Variants in PTGES3L observed in about 807,000 individuals in gnomAD.
The protein encoded by PTGES3L is prostaglandin E synthase 3 like.
Under a neutral mutation model 25.0 loss-of-function variants are expected in PTGES3L, and 17 were observed. The observed-to-expected ratio is 0.68, with a 90% CI of 0.47 to 1.02. PTGES3L has a LOEUF of 1.02. PTGES3L is among the 50% of genes least tolerant of loss of function. PTGES3L has a pLI of 0.00. For missense variants in PTGES3L, 202 were observed against 197.5 expected (o/e 1.02, Z -0.14); for synonymous variants, 59 against 65.7 (o/e 0.90, Z 0.50).
rs202188766 is a variant in PTGES3L, at chr17:42,969,192, G to A, written c.433-6C>T. The A allele has an allele frequency of 3.8e-5, 29 of 772,442 alleles. No individual in the cohort carries two copies. Among genetic ancestry groups the A allele is most frequent in the South Asian group, 1.5e-4 (6 of 39,350 alleles). 47.8% of individuals were successfully genotyped at this position (772,442 alleles called of 1,614,324 possible). ...TCAGCACTGTCAGAATCATCCTGGG[G>A]GCGGGGGGGAAAAAAGACAAAGCAC... On this transcript the variant is annotated splice_polypyrimidine_tract_variant and splice_region_variant and intron_variant, in intron 6 of 6. Coordinates refer to ENST00000591916, the MANE Select transcript of PTGES3L (RefSeq NM_001261430.2).
chr17:42,972,746 C>T (rs1353989325), intron 4 of PTGES3L, among the ~76,000 whole-genome samples: 2 of 151,834 alleles, frequency 1.3e-5, no homozygotes, highest in African/African-American at 4.8e-5. Context: ...GCCGCCACCC[C>T]GTCTGGGAAG....
intron 4 of PTGES3L, among the ~76,000 whole-genome samples, chr17:42,972,948 G>A (rs893934402): frequency 1.1e-4 from 17 of 148,462 alleles, no homozygotes; most frequent in African/African-American, 4.0e-4. Flanking sequence ...CATCGTCTGA[G>A]ATGTGGGGAG....
At chr17:42,970,702 A>G (rs1410429887) in intron 5 of PTGES3L, among the ~76,000 whole-genome samples, 1 of 151,146 alleles carries the variant, frequency 6.6e-6, no homozygotes, top group Non-Finnish European at 1.5e-5. Flanking sequence ...ACACACACAC[A>G]CACACACACA....
In PTGES3L at chr17:42,979,261, T is replaced by TGG; in HGVS notation, c.195_196dup (p.Gln66ProfsTer14). 6.2e-7 allele frequency: 1 copy of TGG among 1,614,096 alleles called. No individual in the cohort carries two copies. The highest frequency in any genetic ancestry group is 8.5e-7 in the Non-Finnish European group (1 of 1,180,022). On this transcript the variant is annotated frameshift_variant, in exon 4 of 7. Transcript: ENST00000591916. LOFTEE classifies it high-confidence loss of function. ...AATAGAGCGGGAAGAGCGCTTATCCTGGGAGTCCTGCCAGATAGAGAGCCT... is the reference window on the plus strand; with the variant it reads ...AATAGAGCGGGAAGAGCGCTTATCCTGGGGGAGTCCTGCCAGATAGAGAGCCT...
At chr17:42,979,924 A>G in intron 1 of PTGES3L, 122 bp downstream of exon 1, 1 of 1,451,008 alleles carries the variant, frequency 6.9e-7, no homozygotes, top group Non-Finnish European at 9.0e-7. Context: ...CCCCACAGTT[A>G]CAGAGACCAG....
chr17:42,973,209 CG>C (rs1257935800), intron 4 of PTGES3L, among the ~76,000 whole-genome samples: 1 of 23,846 alleles, frequency 4.2e-5, no homozygotes. Flanking sequence ...GTCAGCCCCC[CG>C]CCCGGCCAGC....
Position 42,968,244 on chromosome 17 carries a change from A to C in PTGES3L, c.*904T>G, listed in dbSNP as rs2151946089. 1 of 152,174 alleles carries C rather than the reference A, an allele frequency of 6.6e-6. No individual in the cohort carries two copies. The highest frequency in any genetic ancestry group is 1.9e-4 in the East Asian group (1 of 5,182). 9.4% of individuals were successfully genotyped at this position (152,174 alleles called of 1,614,324 possible). On this transcript the variant is annotated 3_prime_UTR_variant, in exon 7 of 7. Transcript: ENST00000591916. ...AGTAACAATCAGTTTTAAAAGTATA[A>C]AGAGGGCCGGGTGTGGTGGCTCATA...
In PTGES3L at chr17:42,979,581, C is replaced by T; in HGVS notation, c.91G>A (p.Val31Met). 2 of 1,614,144 alleles carry T rather than the reference C, an allele frequency of 1.2e-6. No individual in the cohort carries two copies. Among genetic ancestry groups the T allele is most frequent in the East Asian group, 2.2e-5 (1 of 44,878 alleles). The change falls in exon 2 of 7, where the codon GTG (valine) becomes ATG (methionine). Residue 31 changes from valine to methionine, a missense_variant. Val to Met is a conservative substitution (Grantham distance 21). Transcript: ENST00000591916. ...ACAATGCGGTGATCCTCAATAAGCACGTGGACATCGGTGCTGTCCTCAACA... is the reference window on the plus strand; with the variant it reads ...ACAATGCGGTGATCCTCAATAAGCATGTGGACATCGGTGCTGTCCTCAACA... Reference protein sequence around the residue: ...FCVEDSTDVHVLIEDHRIVFS... With the variant: ...FCVEDSTDVHMLIEDHRIVFS...
intron 1 of PTGES3L, 182 bp from the exon 2 acceptor site, chr17:42,979,845 G>A (rs908316809): frequency 2.9e-5 from 42 of 1,440,286 alleles, no homozygotes; most frequent in Middle Eastern, 5.0e-4. Context: ...GTGAACCTGG[G>A]AAGAATAGAA....
intron 4 of PTGES3L, among the ~76,000 whole-genome samples, chr17:42,973,416 A>T (rs2049894715): frequency 6.9e-6 from 1 of 145,700 alleles, no homozygotes; most frequent in African/African-American, 2.5e-5. Context: ...CCGGGAGGTG[A>T]GGGGCGCCTC....
At chr17:42,970,985 G>T (rs960513200) in intron 5 of PTGES3L, among the ~76,000 whole-genome samples, 4 of 151,702 alleles carry the variant, frequency 2.6e-5, no homozygotes, top group Non-Finnish European at 5.9e-5. Context: ...GACAGAGCAA[G>T]ACTCTGTCTC....
intron 6 of PTGES3L, 25 bp downstream of exon 6, chr17:42,970,264 G>T: frequency 1.2e-6 from 2 of 1,613,696 alleles, no homozygotes; most frequent in Non-Finnish European, 1.7e-6. Flanking sequence ...AGAAACTGAA[G>T]GGTTGAGGGG....
intron 6 of PTGES3L, 98 bp downstream of exon 6, chr17:42,970,191 G>T: frequency 6.9e-7 from 1 of 1,451,354 alleles, no homozygotes; most frequent in South Asian, 1.2e-5. Context: ...CAGGCACTGA[G>T]AACTACTGTG....
chr17:42,976,580 A>G (rs904805078), intron 4 of PTGES3L, among the ~76,000 whole-genome samples: 1 of 151,948 alleles, frequency 6.6e-6, no homozygotes, highest in African/African-American at 2.4e-5. Context: ...GCGTTTCACT[A>G]TGTTGTCTGG....
intron 4 of PTGES3L, among the ~76,000 whole-genome samples, chr17:42,975,156 A>AT (rs1555565938): frequency 4.7e-5 from 7 of 149,968 alleles, no homozygotes; most frequent in Admixed American, 4.0e-4. Flanking sequence ...AAAAAAAAAA[A>AT]GGTCAACACA....
intron 4 of PTGES3L, among the ~76,000 whole-genome samples, chr17:42,974,025 T>A (rs908053726): frequency 9.5e-5 from 14 of 148,010 alleles, no homozygotes; most frequent in South Asian, 2.1e-4. Context: ...AAAATAAAAA[T>A]AAAAAAAAAT....
chr17:42,970,297 C>T lies in PTGES3L; in HGVS notation c.424G>A (p.Asp142Asn). 1.9e-6 allele frequency: 3 copies of T among 1,613,930 alleles called. No individual in the cohort carries two copies. In the South Asian group the frequency reaches 3.3e-5, roughly 18 times the overall value. The change falls in exon 6 of 7, where the codon GAT becomes AAT. Residue 142 changes from aspartate (D) to asparagine (N), a missense_variant. By Grantham distance (23) the Asp-to-Asn change is conservative. Coordinates refer to ENST00000591916, the MANE Select transcript of PTGES3L (RefSeq NM_001261430.2). ...STKRPPPAMD[D>N]LDDDSDSADD... Reference sequence around the variant, plus strand: ...GGGAAGGCTTTACTTACATCCAAATCATCCATGGCAGGTGGAGGTCTCTTG... The same window carrying T: ...GGGAAGGCTTTACTTACATCCAAATTATCCATGGCAGGTGGAGGTCTCTTG...
At chr17:42,971,355 A>G (rs2049833443) in intron 5 of PTGES3L, among the ~76,000 whole-genome samples, 1 of 152,082 alleles carries the variant, frequency 6.6e-6, no homozygotes, top group Non-Finnish European at 1.5e-5. Flanking sequence ...CGTTTTGTCA[A>G]ACTTCTTCAG....
chr17:42,979,246 G>A lies in PTGES3L; in HGVS notation c.212C>T (p.Ser71Phe), dbSNP rs755317118. 1 of 1,614,140 alleles carries A rather than the reference G, an allele frequency of 6.2e-7. No homozygotes were observed. Among genetic ancestry groups the A allele is most frequent in the Non-Finnish European group, 8.5e-7 (1 of 1,180,032 alleles). Reference sequence around the variant, plus strand: ...TCTCACAAAACAAGTAATAGAGCGGGAAGAGCGCTTATCCTGGGAGTCCTG... The same window carrying A: ...TCTCACAAAACAAGTAATAGAGCGGAAAGAGCGCTTATCCTGGGAGTCCTG... Reference protein sequence around the residue: ...NSKDSQDKRSSRSITCFVRKW... With the variant: ...NSKDSQDKRSFRSITCFVRKW... Residue 71 changes from serine (S) to phenylalanine (F), a missense_variant, in exon 4 of 7, where the codon TCC becomes TTC. Ser to Phe is a radical substitution (Grantham distance 155). Coordinates refer to ENST00000591916, the MANE Select transcript of PTGES3L (RefSeq NM_001261430.2).
Sources: gnomAD v4.1 joint callset for allele counts (sites outside exome capture counted in the v4.1 genomes callset) on GRCh38, gnomAD v4.1.1 for gene constraint, MANE v1.5 for transcripts, NCBI Gene and HGNC (gene_info 2026-07-23, HGNC 2026-07-21) for gene names.